The following GRM8 variants were observed in gnomAD, a reference collection of about 807,000 sequenced individuals.
The protein encoded by GRM8 is metabotropic glutamate receptor 8.
In GRM8, 47 loss-of-function variants were observed where a neutral mutation model predicts 87.2. That is an observed-to-expected ratio of 0.54 (90% CI 0.43 to 0.69). GRM8 has a LOEUF of 0.69. GRM8 is among the 30% of genes least tolerant of loss of function. GRM8 has a pLI of 0.00. For missense variants in GRM8, 1,019 were observed against 1,139.2 expected (o/e 0.89, Z 1.52); for synonymous variants, 396 against 404.5 (o/e 0.98, Z 0.25).
At chr7:127,160,770 A>G (rs17865331) in intron 2 of GRM8, among the ~76,000 whole-genome samples, 2,676 of 151,992 alleles carry the variant, frequency 0.018, 74 homozygotes, top group African/African-American at 0.059. Flanking sequence ...GGACGCCTCC[A>G]GGGATAGAGG....
chr7:127,104,893 C>A (rs1401080549), intron 3 of GRM8, among the ~76,000 whole-genome samples: 1 of 152,102 alleles, frequency 6.6e-6, no homozygotes, highest in Non-Finnish European at 1.5e-5. Context: ...TAGAACAATC[C>A]ATTTTGTTGG....
At chr7:126,693,431 G>A (rs1394113794) in intron 7 of GRM8, among the ~76,000 whole-genome samples, 1 of 152,106 alleles carries the variant, frequency 6.6e-6, no homozygotes, top group Non-Finnish European at 1.5e-5. Context: ...TCTTCTTTCA[G>A]TGTTTTGGTG....
rs1234392705 is a variant in GRM8, at chr7:126,881,659, T to C, written c.1156+20883A>G. 2.0e-5 allele frequency among the ~76,000 whole-genome samples: 3 copies of C among 152,224 alleles called. No homozygotes were observed. The East Asian group carries it at 5.8e-4, about 29-fold the overall frequency. The stretch of plus-strand genomic sequence containing the variant: ...TTCTGGAGGATGGCAATTTCTGAGA[T>C]ATCCCACATTTGGAGTAAGAGAACA... On this transcript the variant is annotated intron_variant, in intron 6 of 10. Coordinates refer to ENST00000339582, the MANE Select transcript of GRM8 (RefSeq NM_000845.3).
intron 9 of GRM8, among the ~76,000 whole-genome samples, chr7:126,515,512 A>G (rs887500476): frequency 1.3e-5 from 2 of 152,110 alleles, no homozygotes; most frequent in Non-Finnish European, 2.9e-5. Flanking sequence ...CTAAAACAAC[A>G]CAAAGTCACT....
intron 3 of GRM8, among the ~76,000 whole-genome samples, chr7:127,048,975 T>G (rs1819200508): frequency 6.6e-6 from 1 of 152,200 alleles, no homozygotes; most frequent in African/African-American, 2.4e-5. Flanking sequence ...CAAATAAACC[T>G]ATAGACTTGG....
intron 6 of GRM8, among the ~76,000 whole-genome samples, chr7:126,873,231 T>C (rs1799253698): frequency 1.3e-5 from 2 of 152,172 alleles, no homozygotes; most frequent in Non-Finnish European, 2.9e-5. Flanking sequence ...ACAGGTCAAT[T>C]CAAAAACAAC....
chr7:127,198,288 G>C (rs1795398428), intron 2 of GRM8, among the ~76,000 whole-genome samples: 1 of 152,004 alleles, frequency 6.6e-6, no homozygotes. Context: ...TGAATACTAG[G>C]CACAGATCAC....
At chr7:127,012,079 C>T (rs563593466) in intron 3 of GRM8, among the ~76,000 whole-genome samples, 11 of 152,236 alleles carry the variant, frequency 7.2e-5, no homozygotes, top group African/African-American at 2.4e-4. Context: ...TGTAGTGATC[C>T]TAGCTGGGAA....
At chr7:127,108,148 C>G (rs1825993580) in intron 2 of GRM8, among the ~76,000 whole-genome samples, 3 of 152,112 alleles carry the variant, frequency 2.0e-5, no homozygotes, top group Admixed American at 1.3e-4. Flanking sequence ...GATATACTGA[C>G]CTTACCTTGA....
At chr7:126,789,913 C>T (rs1419509) in intron 6 of GRM8, among the ~76,000 whole-genome samples, 11,928 of 152,132 alleles carry the variant, frequency 0.078, 1,485 homozygotes, top group African/African-American at 0.27. Context: ...GAGTTGAATC[C>T]CTAAACTGTT....
intron 3 of GRM8, among the ~76,000 whole-genome samples, chr7:127,061,428 T>A (rs1820583690): frequency 6.6e-6 from 1 of 152,214 alleles, no homozygotes; most frequent in South Asian, 2.1e-4. Flanking sequence ...AAAAAATACA[T>A]TAACATTTTC....
At position 126,523,254 on chromosome 7, in the gene GRM8, T is replaced by G. The variant is rs901158594; in HGVS notation, c.2430+9698A>C. Among the ~76,000 whole-genome samples, 19 of 152,364 alleles carry G rather than the reference T, an allele frequency of 1.2e-4. No individual in the cohort carries two copies. The South Asian group carries it at 3.3e-3, about 27-fold the overall frequency. On this transcript the variant is annotated intron_variant, in intron 9 of 10. Coordinates refer to ENST00000339582, the MANE Select transcript of GRM8 (RefSeq NM_000845.3). ...CTTAGAAAAGTTTTTCTTGAGACTT[T>G]CATTTAAATTCTTCTGTATGCGATG...
chr7:126,916,411 C>A (rs1031666564), intron 3 of GRM8, among the ~76,000 whole-genome samples: 4 of 152,238 alleles, frequency 2.6e-5, no homozygotes, highest in South Asian at 4.1e-4. Flanking sequence ...TAAGCATATC[C>A]ATGTTTTAAA....
At chr7:127,142,641 T>C (rs1282958594) in intron 2 of GRM8, among the ~76,000 whole-genome samples, 36 of 152,106 alleles carry the variant, frequency 2.4e-4, no homozygotes, top group Admixed American at 2.4e-3. Flanking sequence ...GATAAATTGA[T>C]AGATATATGA....
chr7:127,171,791 A>C (rs2116327128), intron 2 of GRM8, among the ~76,000 whole-genome samples: 1 of 152,284 alleles, frequency 6.6e-6, no homozygotes, highest in African/African-American at 2.4e-5. Flanking sequence ...AACCCACAAC[A>C]TCCCCAAGGT....
Position 127,106,571 on chromosome 7 carries a change from C to T in GRM8, c.652G>A (p.Val218Ile). The change falls in exon 3 of 11, where the codon GTT becomes ATT. Residue 218 changes from valine to isoleucine, a missense_variant. Physicochemically the swap from Val to Ile is conservative, Grantham distance 29. Coordinates refer to ENST00000339582, the MANE Select transcript of GRM8 (RefSeq NM_000845.3). ...TTCCCCTCAGAAGCCAGTGTCGAAA[C>T]ATAATTCCATCCCAGTGCTGTCACG... ...DIVTALGWNY[V>I]STLASEGNYG... 1 of 1,614,152 alleles carries T rather than the reference C, an allele frequency of 6.2e-7. No homozygotes were observed. The highest frequency in any genetic ancestry group is 1.1e-5 in the South Asian group (1 of 91,086).
At chr7:127,096,924 G>C (rs1172275961) in intron 3 of GRM8, among the ~76,000 whole-genome samples, 1 of 152,172 alleles carries the variant, frequency 6.6e-6, no homozygotes, top group African/African-American at 2.4e-5. Context: ...AATGCATAAG[G>C]CATGGTTGGA....
At chr7:126,596,463 G>A (rs1797210449) in intron 8 of GRM8, among the ~76,000 whole-genome samples, 2 of 152,080 alleles carry the variant, frequency 1.3e-5, no homozygotes. Flanking sequence ...CTTCTTTTGA[G>A]AAATGTCTTT....
intron 6 of GRM8, among the ~76,000 whole-genome samples, chr7:126,889,964 C>T (rs1800844445): frequency 6.6e-6 from 1 of 152,012 alleles, no homozygotes. Flanking sequence ...AATTGTTGTT[C>T]TATAGGTCTA....
Sources: gnomAD v4.1 joint callset for allele counts (sites outside exome capture counted in the v4.1 genomes callset) on GRCh38, gnomAD v4.1.1 for gene constraint, MANE v1.5 for transcripts, NCBI Gene and HGNC (gene_info 2026-07-23, HGNC 2026-07-21) for gene names.